The following RAD18 variants were observed in gnomAD, a reference collection of about 807,000 sequenced individuals.
RAD18 encodes E3 ubiquitin-protein ligase RAD18.
In RAD18, 47 loss-of-function variants were observed where a neutral mutation model predicts 60.4. That is an observed-to-expected ratio of 0.78 (90% confidence interval 0.62 to 0.99). The LOEUF is 0.99. Among genes scored for constraint, RAD18 ranks in the 50% least tolerant of loss-of-function variants. The pLI is 0.00. For missense variants in RAD18, 640 were observed against 593.3 expected, an observed-to-expected ratio of 1.08 and a Z score of -0.82; for synonymous variants, 225 against 195.5, an observed-to-expected ratio of 1.15 and a Z score of -1.26.
At chr3:8,888,626 A>G (rs1419083990) in intron 12 of RAD18, among the ~76,000 whole-genome samples, 1 of 152,228 alleles carries the variant, frequency 6.6e-6, no homozygotes, top group Non-Finnish European at 1.5e-5. Context: ...CCTTAGAAGG[A>G]ACTGCGGCTG....
intron 2 of RAD18, among the ~76,000 whole-genome samples, chr3:8,956,153 C>T (rs1411760637): frequency 6.6e-6 from 1 of 152,178 alleles, no homozygotes; most frequent in Non-Finnish European, 1.5e-5. Flanking sequence ...TCTTTCCTTT[C>T]CTTGTTAAGA....
intron 7 of RAD18, among the ~76,000 whole-genome samples, chr3:8,924,904 T>C (rs1419959230): frequency 2.0e-5 from 3 of 151,954 alleles, no homozygotes; most frequent in Admixed American, 6.6e-5. Context: ...GGGACACATT[T>C]AAAGCAGTGT....
intron 7 of RAD18, among the ~76,000 whole-genome samples, chr3:8,934,312 TA>T (rs1224125867): frequency 1.3e-5 from 2 of 152,174 alleles, no homozygotes; most frequent in East Asian, 3.8e-4. Context: ...ATGATGCCAT[TA>T]AGAGAGTGAA....
chr3:8,944,605 AAAG>A (rs1241577034), intron 4 of RAD18, among the ~76,000 whole-genome samples: 1 of 143,858 alleles, frequency 7.0e-6, no homozygotes, highest in Non-Finnish European at 1.5e-5. Context: ...GGGGAAGGAG[AAAG>A]GAGGAGGGAG....
chr3:8,932,787 A>G (rs1369652470), intron 7 of RAD18, among the ~76,000 whole-genome samples: 3 of 152,188 alleles, frequency 2.0e-5, no homozygotes, highest in Non-Finnish European at 4.4e-5. Flanking sequence ...AAAGCAGAAC[A>G]CTGCTTGGCA....
intron 4 of RAD18, among the ~76,000 whole-genome samples, chr3:8,944,541 G>A (rs1216886017): frequency 1.3e-5 from 2 of 150,640 alleles, no homozygotes; most frequent in Non-Finnish European, 3.0e-5. Context: ...GAGAGGAAAG[G>A]GAGGAAGGGA....
At chr3:8,913,891 G>A (rs190589474) in intron 7 of RAD18, among the ~76,000 whole-genome samples, 171 bp from the exon 8 acceptor site, 3 of 152,052 alleles carry the variant, frequency 2.0e-5, no homozygotes, top group African/African-American at 7.2e-5. Flanking sequence ...AAAACAAAAG[G>A]TTAAAAAAAT....
intron 2 of RAD18, among the ~76,000 whole-genome samples, chr3:8,957,834 A>T (rs11131155): frequency 0.21 from 32,495 of 152,180 alleles, 5,184 homozygotes; most frequent in African/African-American, 0.45. Flanking sequence ...TTGCAGTAGT[A>T]ACACAGCATA....
intron 8 of RAD18, among the ~76,000 whole-genome samples, chr3:8,912,788 C>T (rs372806): frequency 0.72 from 109,209 of 151,998 alleles, 39,685 homozygotes; most frequent in Middle Eastern, 0.77. Context: ...TATAGAAAAG[C>T]AGTATGTATA....
intron 7 of RAD18, among the ~76,000 whole-genome samples, chr3:8,921,259 C>T (rs1677024): frequency 0.69 from 104,650 of 152,106 alleles, 36,591 homozygotes; most frequent in Middle Eastern, 0.77. Context: ...TTCCTATAAA[C>T]TTCCAAATAA....
intron 3 of RAD18, among the ~76,000 whole-genome samples, chr3:8,948,058 A>G: frequency 6.6e-6 from 1 of 152,216 alleles, no homozygotes; most frequent in East Asian, 1.9e-4. Flanking sequence ...TTTCAGAAAC[A>G]ATAACAACAA....
At chr3:8,904,436 G>A (rs940613822) in intron 9 of RAD18, among the ~76,000 whole-genome samples, 2 of 152,148 alleles carry the variant, frequency 1.3e-5, no homozygotes, top group African/African-American at 4.8e-5. Context: ...ATATTTTTAT[G>A]TGTATGGTAC....
intron 12 of RAD18, among the ~76,000 whole-genome samples, chr3:8,888,206 C>T (rs1939612120): frequency 6.6e-6 from 1 of 152,220 alleles, no homozygotes; most frequent in African/African-American, 2.4e-5. Context: ...GTGTGCCATG[C>T]CCTGTCTCTA....
rs1940752750 is a variant in RAD18 at position 8,941,800 on chromosome 3, G to A, written c.271C>T (p.His91Tyr). 6.2e-7 allele frequency: 1 copy of A among 1,608,226 alleles called. No homozygotes were observed. The highest frequency in any genetic ancestry group is 8.5e-7 in the Non-Finnish European group (1 of 1,176,426). The change falls in exon 5 of 13, where the codon CAT (histidine) becomes TAT (tyrosine). Residue 91 changes from histidine to tyrosine, a missense_variant. Physicochemically the swap from His to Tyr is moderately conservative, Grantham distance 83. Transcript: ENST00000264926. ...LVKSLNFARN[H>Y]LLQFALESPA... ...GACTCTAAAGCAAACTGCAGCAGATGATTCCTTGAAGCACAAAGAACACAA... is the reference window on the plus strand; with the variant it reads ...GACTCTAAAGCAAACTGCAGCAGATAATTCCTTGAAGCACAAAGAACACAA...
intron 9 of RAD18, among the ~76,000 whole-genome samples, chr3:8,907,837 A>G (rs1164023027): frequency 6.6e-6 from 1 of 152,172 alleles, no homozygotes; most frequent in Non-Finnish European, 1.5e-5. Flanking sequence ...AAGAACCCAC[A>G]TGCTGAAAGG....
At chr3:8,957,470 C>T (rs1941033010) in intron 2 of RAD18, among the ~76,000 whole-genome samples, 2 of 152,234 alleles carry the variant, frequency 1.3e-5, no homozygotes, top group South Asian at 4.1e-4. Flanking sequence ...CAAGGATAGA[C>T]ATATATGAGT....
intron 7 of RAD18, among the ~76,000 whole-genome samples, chr3:8,914,952 C>G (rs1484723824): frequency 6.6e-6 from 1 of 152,010 alleles, no homozygotes; most frequent in Middle Eastern, 3.2e-3. Context: ...TCCTGGCTAA[C>G]ACGATGAAAC....
Position 8,941,516 on chromosome 3 carries a change from A to G in RAD18, c.555T>C (p.Ala185=). 1 of 1,613,964 alleles carries G rather than the reference A, an allele frequency of 6.2e-7. No homozygotes were observed. The highest frequency in any genetic ancestry group is 8.5e-7 in the Non-Finnish European group (1 of 1,179,926). The change falls in exon 5 of 13, where the codon GCT becomes GCC. Residue 185 remains alanine (A), a synonymous_variant. Transcript: ENST00000264926. ...ATGTCGAGGGTGGCTCAGGACGCTT[A>G]GCCTCTGAGGGATCTGGAGCGATCT... The part of the protein sequence containing the change: ...VEEIAPDPSE[A]KRPEPPSTST...
At chr3:8,962,516 A>C (rs1941107867) in intron 1 of RAD18, among the ~76,000 whole-genome samples, 1 of 152,218 alleles carries the variant, frequency 6.6e-6, no homozygotes, top group Non-Finnish European at 1.5e-5. Context: ...ATAATCCCCA[A>C]GTCTACAAAA....
Sources: allele counts gnomAD v4.1 joint callset (sites outside exome capture counted in the v4.1 genomes callset), GRCh38; gene constraint gnomAD v4.1.1; transcripts MANE v1.5; gene names NCBI Gene and HGNC (gene_info 2026-07-23, HGNC 2026-07-21).